Variants in SWT1 observed in about 807,000 individuals in gnomAD.
SWT1 encodes the protein SWT1 RNA endoribonuclease homolog.
In SWT1, 33 loss-of-function variants were observed where a neutral mutation model predicts 107.3. The observed-to-expected ratio is 0.31, with a 90% CI of 0.23 to 0.41. The LOEUF (loss-of-function observed/expected upper bound fraction) is 0.41, where lower values mean the gene tolerates loss of function less well. Ranked by LOEUF, SWT1 falls within the 10% of genes least tolerant of loss-of-function variation. SWT1 has a pLI of 1.00. For synonymous variants in SWT1, 345 were observed against 348.3 expected (o/e 0.99, Z 0.11); for missense variants, 898 against 1,028.9 (o/e 0.87, Z 1.74).
At position 185,190,595 on chromosome 1, in the gene SWT1, T is replaced by C; in HGVS notation, c.1476T>C (p.Cys492=). Residue 492 remains cysteine, a synonymous_variant, in exon 10 of 19, where the codon TGT becomes TGC. Transcript: ENST00000367500. ...ENNDDRVLKC[C]LQHQELFPCS... Reference sequence around the variant, plus strand: ...ATGATGATCGAGTACTAAAATGCTGTCTCCAGCACCAGGAATTATTCCCTT... The same window carrying C: ...ATGATGATCGAGTACTAAAATGCTGCCTCCAGCACCAGGAATTATTCCCTT... 1 of 1,611,938 alleles carries C rather than the reference T, an allele frequency of 6.2e-7. No homozygotes were observed. Among genetic ancestry groups the C allele is most frequent in the Non-Finnish European group, 8.5e-7 (1 of 1,178,296 alleles).
At chr1:185,236,418 A>G (rs1660880455) in intron 16 of SWT1, among the ~76,000 whole-genome samples, 1 of 152,202 alleles carries the variant, frequency 6.6e-6, no homozygotes, top group African/African-American at 2.4e-5. Context: ...AATGCCACAC[A>G]TCTACAACCA....
intron 16 of SWT1, among the ~76,000 whole-genome samples, chr1:185,235,731 G>C (rs537819243): frequency 4.0e-5 from 6 of 151,886 alleles, no homozygotes; most frequent in African/African-American, 1.2e-4. Flanking sequence ...AGAAATAAAG[G>C]GTATTCAAAT....
chr1:185,291,253 C>A lies in SWT1; in HGVS notation c.*450C>A, dbSNP rs183014992. 6.5e-6 allele frequency: 1 copy of A among 152,766 alleles called. No individual in the cohort carries two copies. The highest frequency in any genetic ancestry group is 1.9e-4 in the East Asian group (1 of 5,186). 9.5% of individuals were successfully genotyped at this position (152,766 alleles called of 1,614,324 possible). A position where few individuals can be genotyped will look rare whatever the true frequency, so the allele number is the denominator to read the frequency against. ...GCTCACCATATTTCACAAATGAAAT[C>A]TTAATGTGGGCTGTTTTTTATGATC... On this transcript the variant is annotated 3_prime_UTR_variant, in exon 19 of 19. Transcript: ENST00000367500.
intron 16 of SWT1, among the ~76,000 whole-genome samples, chr1:185,246,279 A>C (rs1484372457): frequency 6.6e-6 from 1 of 151,544 alleles, no homozygotes; most frequent in Non-Finnish European, 1.5e-5. Context: ...ACATCCTTTA[A>C]ATTTTTATTT....
At chr1:185,209,636 T>G (rs966291753) in intron 13 of SWT1, among the ~76,000 whole-genome samples, 1 of 152,250 alleles carries the variant, frequency 6.6e-6, no homozygotes, top group African/African-American at 2.4e-5. Context: ...GAAGGGCATT[T>G]GGGTTGGTTC....
intron 6 of SWT1, 92 bp from the exon 7 acceptor site, chr1:185,181,854 C>A: frequency 1.4e-6 from 2 of 1,397,228 alleles, no homozygotes; most frequent in Non-Finnish European, 2.0e-6. Flanking sequence ...CATAAACCAT[C>A]TCAAGTGAAT....
chr1:185,216,743 G>A (rs1171426152), intron 14 of SWT1, among the ~76,000 whole-genome samples: 1 of 152,104 alleles, frequency 6.6e-6, no homozygotes, highest in Admixed American at 6.6e-5. Context: ...CCTAAGGGCA[G>A]CAGTTCAGGA....
intron 7 of SWT1, among the ~76,000 whole-genome samples, chr1:185,183,968 C>T (rs1269941163): frequency 1.3e-5 from 2 of 152,106 alleles, no homozygotes; most frequent in African/African-American, 2.4e-5. Flanking sequence ...TTGACTTAGA[C>T]GATTCTCCAC....
intron 15 of SWT1, among the ~76,000 whole-genome samples, chr1:185,228,200 T>C (rs35567636): frequency 0.4 from 57,555 of 144,764 alleles, 12,305 homozygotes; most frequent in African/African-American, 0.53. Context: ...CATATATATA[T>C]ACTCAGTATG....
chr1:185,216,225 A>G (rs184780416), intron 14 of SWT1, among the ~76,000 whole-genome samples: 553 of 152,304 alleles, frequency 3.6e-3, no homozygotes, highest in South Asian at 0.029. Context: ...TTGGTTTGAG[A>G]TGACCAAAAC....
At chr1:185,254,238 C>A (rs1183621622) in intron 16 of SWT1, among the ~76,000 whole-genome samples, 4 of 121,814 alleles carry the variant, frequency 3.3e-5, no homozygotes, top group African/African-American at 7.2e-5. Flanking sequence ...GTCTAAAATT[C>A]TCTTTTTTTG....
At chr1:185,217,325 C>G (rs1352101500) in intron 14 of SWT1, among the ~76,000 whole-genome samples, 1 of 152,184 alleles carries the variant, frequency 6.6e-6, no homozygotes, top group Non-Finnish European at 1.5e-5. Flanking sequence ...AAAACTTAAT[C>G]TGTATTTACA....
chr1:185,173,429 C>A (rs1457796635), intron 4 of SWT1, among the ~76,000 whole-genome samples: 3 of 151,272 alleles, frequency 2.0e-5, no homozygotes, highest in Non-Finnish European at 4.4e-5. Flanking sequence ...CGTAGTGGCT[C>A]ATGCCTGTAG....
chr1:185,255,180 G>C (rs927681179), intron 16 of SWT1, among the ~76,000 whole-genome samples: 6 of 152,142 alleles, frequency 3.9e-5, no homozygotes, highest in Admixed American at 1.3e-4. Context: ...TACATCTGTT[G>C]AGGAGAGCTT....
intron 17 of SWT1, among the ~76,000 whole-genome samples, chr1:185,274,248 TTATA>T (rs1664084722): frequency 6.7e-6 from 1 of 148,386 alleles, no homozygotes; most frequent in Non-Finnish European, 1.5e-5. Context: ...GTTGTATATA[TTATA>T]TATAGATGTC....
intron 13 of SWT1, among the ~76,000 whole-genome samples, chr1:185,206,999 G>C (rs1658385305): frequency 6.6e-6 from 1 of 152,094 alleles, no homozygotes; most frequent in Non-Finnish European, 1.5e-5. Context: ...GACTGTAAAT[G>C]GTATTGTTGA....
intron 16 of SWT1, among the ~76,000 whole-genome samples, chr1:185,261,372 T>C (rs574113015): frequency 1.5e-4 from 23 of 152,350 alleles, no homozygotes; most frequent in African/African-American, 4.8e-4. Context: ...TTCCATTATA[T>C]GTGTATACCA....
At chr1:185,204,389 G>A (rs956939899) in intron 11 of SWT1, among the ~76,000 whole-genome samples, 4 of 151,962 alleles carry the variant, frequency 2.6e-5, no homozygotes, top group African/African-American at 7.2e-5. Context: ...ACTCTCTTTG[G>A]AAAATAATAA....
intron 16 of SWT1, among the ~76,000 whole-genome samples, chr1:185,270,449 C>G (rs1377334320): frequency 2.0e-5 from 3 of 152,090 alleles, no homozygotes; most frequent in African/African-American, 7.2e-5. Flanking sequence ...CACCCATAAT[C>G]CCAGAACTTT....
Sources: allele counts gnomAD v4.1 joint callset (sites outside exome capture counted in the v4.1 genomes callset), GRCh38; gene constraint gnomAD v4.1.1; transcripts MANE v1.5; gene names NCBI Gene and HGNC (gene_info 2026-07-23, HGNC 2026-07-21).